The following USP25 variants were observed in gnomAD, a reference collection of about 807,000 sequenced individuals.
USP25 encodes the protein ubiquitin specific peptidase 25, also known as ubiquitin carboxyl-terminal hydrolase 25.
USP25 carries 85 observed loss-of-function variants against 158.5 expected under a neutral mutation model. The observed-to-expected ratio is 0.54, with a 90% confidence interval of 0.45 to 0.64. The LOEUF is 0.64. Ranked by LOEUF, USP25 falls within the 30% of genes least tolerant of loss-of-function variation. The pLI is 0.00. For synonymous variants in USP25, 464 were observed against 460.4 expected, an observed-to-expected ratio of 1.01 and a Z score of -0.10; for missense variants, 1,242 against 1,327.3, an observed-to-expected ratio of 0.94 and a Z score of 1.00.
Position 15,831,013 on chromosome 21 carries a change from A to G in USP25, c.1765-388A>G, listed in dbSNP as rs1017316679. On this transcript the variant is annotated intron_variant, in intron 15 of 25. Transcript: ENST00000400183. Reference sequence around the variant, plus strand: ...TCCATTACATTTTAACTTCTGGTGTATATCATATAATCTATTTTGTTAACC... The same window carrying G: ...TCCATTACATTTTAACTTCTGGTGTGTATCATATAATCTATTTTGTTAACC... Among the ~76,000 whole-genome samples the G allele has an allele frequency of 3.9e-5, 6 of 152,192 alleles. 1 individual carries two copies. The highest frequency in any genetic ancestry group is 1.4e-4 in the African/African-American group (6 of 41,454).
chr21:15,835,645 A>G (rs1022674257), intron 17 of USP25, among the ~76,000 whole-genome samples: 4 of 152,230 alleles, frequency 2.6e-5, no homozygotes, highest in Non-Finnish European at 5.9e-5. Flanking sequence ...AGAATAAAAG[A>G]TGAAGAGATG....
intron 19 of USP25, among the ~76,000 whole-genome samples, chr21:15,848,907 G>A (rs562431781): frequency 4.3e-4 from 65 of 152,286 alleles, no homozygotes; most frequent in African/African-American, 1.4e-3. Flanking sequence ...ATTTCTGTAA[G>A]ATAGCTTCAT....
chr21:15,830,504 T>C, intron 14 of USP25, 27 bp from the exon 15 acceptor site: 1 of 1,566,104 alleles, frequency 6.4e-7, no homozygotes. Context: ...TTGCTGTTAA[T>C]CATTAAATGA....
At chr21:15,737,236 T>C (rs554489017) in intron 1 of USP25, among the ~76,000 whole-genome samples, 50 of 152,300 alleles carry the variant, frequency 3.3e-4, no homozygotes, top group Non-Finnish European at 6.8e-4. Flanking sequence ...ATTTTTGTAA[T>C]GCCAGTTCTG....
At chr21:15,786,287 A>G (rs183868239) in intron 4 of USP25, among the ~76,000 whole-genome samples, 1 of 152,164 alleles carries the variant, frequency 6.6e-6, no homozygotes, top group Admixed American at 6.5e-5. Flanking sequence ...AACTCATTTT[A>G]TGAGGCCAGC....
chr21:15,832,907 A>G (rs1427581628), intron 16 of USP25, among the ~76,000 whole-genome samples: 2 of 151,986 alleles, frequency 1.3e-5, no homozygotes, highest in African/African-American at 2.4e-5. Context: ...AGTCTCAGCT[A>G]CCCGGGAGGC....
intron 3 of USP25, among the ~76,000 whole-genome samples, chr21:15,770,804 CTT>C (rs939346363): frequency 6.6e-6 from 1 of 152,126 alleles, no homozygotes; most frequent in Non-Finnish European, 1.5e-5. Flanking sequence ...TTACAACACT[CTT>C]TTAAGAGAAT....
At chr21:15,867,877 A>G (rs1391972446) in intron 22 of USP25, among the ~76,000 whole-genome samples, 1 of 152,188 alleles carries the variant, frequency 6.6e-6, no homozygotes, top group Non-Finnish European at 1.5e-5. Context: ...AAATGGGCAT[A>G]CATATGGTAT....
chr21:15,736,332 G>C (rs538248465), intron 1 of USP25, among the ~76,000 whole-genome samples: 1 of 152,110 alleles, frequency 6.6e-6, no homozygotes, highest in Non-Finnish European at 1.5e-5. Flanking sequence ...TCCTGACCCC[G>C]AGTGATCAGC....
Position 15,808,895 on chromosome 21 carries a change from C to G in USP25, c.857+10C>G. On this transcript the variant is annotated intron_variant, in intron 8 of 25. Transcript: ENST00000400183. The stretch of plus-strand genomic sequence containing the variant: ...AAGCTGAAGAGGAGACGTAAGTTAC[C>G]GTGAAGTTTAGCAATGGGGTTTTAG... 1 of 1,599,042 alleles carries G rather than the reference C, an allele frequency of 6.3e-7. No homozygotes were observed. Among genetic ancestry groups the G allele is most frequent in the Non-Finnish European group, 8.5e-7 (1 of 1,172,772 alleles).
intron 21 of USP25, 82 bp downstream of exon 21, chr21:15,864,528 T>A (rs1213030260): frequency 7.7e-7 from 1 of 1,300,864 alleles, no homozygotes; most frequent in Non-Finnish European, 1.0e-6. Context: ...TTTTTGAGTA[T>A]TTATTTTATA....
chr21:15,752,079 A>G (rs2033057284), intron 1 of USP25, among the ~76,000 whole-genome samples: 1 of 151,698 alleles, frequency 6.6e-6, no homozygotes, highest in Admixed American at 6.6e-5. Context: ...GATTACAGGC[A>G]TGCGCCACCA....
At chr21:15,850,585 C>T (rs1295240240) in intron 20 of USP25, among the ~76,000 whole-genome samples, 1 of 149,560 alleles carries the variant, frequency 6.7e-6, no homozygotes, top group Non-Finnish European at 1.5e-5. Flanking sequence ...TCAAACCCTT[C>T]TTAGTGGTTT....
At chr21:15,741,910 AAATTT>A (rs1235884634) in intron 1 of USP25, among the ~76,000 whole-genome samples, 1 of 152,218 alleles carries the variant, frequency 6.6e-6, no homozygotes, top group Non-Finnish European at 1.5e-5. Context: ...AGTAAATATT[AAATTT>A]ATCTCTTTAA....
In USP25 at chr21:15,826,088, A is replaced by G; in HGVS notation, c.1305-116A>G. ...TACCATCTTCGTTTTAAAGCAAATG[A>G]ATTTTATTGCTGAGGAAGTTTTATT... On this transcript the variant is annotated intron_variant, in intron 12 of 25. Transcript: ENST00000400183. This position sits in a 1 kb window ranked among gnomAD's most constrained non-coding sequence, Gnocchi z 4.8. The G allele has an allele frequency of 8.9e-7, 1 of 1,128,248 alleles. No individual in the cohort carries two copies. The highest frequency in any genetic ancestry group is 1.2e-6 in the Non-Finnish European group (1 of 806,900). The allele number at this position is 1,128,248 out of a possible 1,614,324, so 69.9% of individuals were successfully genotyped here.
chr21:15,752,666 C>T (rs1446953898), intron 1 of USP25, among the ~76,000 whole-genome samples: 3 of 152,200 alleles, frequency 2.0e-5, no homozygotes, highest in Non-Finnish European at 4.4e-5. Flanking sequence ...CTAGCTATTT[C>T]TCATAAAGTA....
chr21:15,824,471 T>C (rs1361386541), intron 11 of USP25, among the ~76,000 whole-genome samples: 1 of 152,194 alleles, frequency 6.6e-6, no homozygotes. Context: ...TGATGCTTTG[T>C]GGTGATGTCT....
At chr21:15,740,641 G>GTTTTTTTTTT (rs60616271) in intron 1 of USP25, among the ~76,000 whole-genome samples, 41 of 41,294 alleles carry the variant, frequency 9.9e-4, no homozygotes, top group Admixed American at 1.8e-3. Flanking sequence ...CTTTCTGGCT[G>GTTTTTTTTTT]TTTTTTTTTT....
chr21:15,762,828 T>G, intron 1 of USP25, 63 bp from the exon 2 acceptor site: 1 of 1,463,090 alleles, frequency 6.8e-7, no homozygotes, highest in Non-Finnish European at 9.3e-7. Context: ...GTGATTTGTT[T>G]TCTTTTCCTA....
Sources: gnomAD v4.1 joint callset for allele counts (sites outside exome capture counted in the v4.1 genomes callset) on GRCh38, gnomAD v4.1.1 for gene constraint, Gnocchi (gnomAD v3.1) non-coding constraint, MANE v1.5 for transcripts, NCBI Gene and HGNC (gene_info 2026-07-23, HGNC 2026-07-21) for gene names.